The following ZBTB7C variants were observed in gnomAD, a reference collection of about 807,000 sequenced individuals.
ZBTB7C encodes the protein zinc finger and BTB domain-containing protein 7C.
ZBTB7C carries 8 observed loss-of-function variants against 25.7 expected under a neutral mutation model. The observed-to-expected ratio is 0.31, with a 90% CI of 0.18 to 0.56. ZBTB7C has a LOEUF of 0.56. ZBTB7C is among the 20% of genes least tolerant of loss of function. ZBTB7C has a pLI of 0.91. For synonymous variants in ZBTB7C, 394 were observed against 369.0 expected (o/e 1.07, Z -0.78); for missense variants, 824 against 855.2 (o/e 0.96, Z 0.46).
intron 3 of ZBTB7C, among the ~76,000 whole-genome samples, chr18:48,115,518 G>A (rs151063659): frequency 2.0e-5 from 3 of 152,144 alleles, no homozygotes; most frequent in Non-Finnish European, 2.9e-5. Context: ...GATTACAGGC[G>A]TGAGCCACCG....
chr18:48,186,039 T>C (rs1385736542), intron 2 of ZBTB7C, 44 bp from the exon 3 acceptor site: 1 of 152,326 alleles, frequency 6.6e-6, no homozygotes, highest in Non-Finnish European at 1.5e-5. Context: ...TAGCATCTGC[T>C]CTGGGTATCC....
At chr18:48,036,578 A>T (rs2035980794) in intron 4 of ZBTB7C, among the ~76,000 whole-genome samples, 1 of 151,982 alleles carries the variant, frequency 6.6e-6, no homozygotes, top group Admixed American at 6.6e-5. Flanking sequence ...TGAAGGAAAG[A>T]CTCGGGTTCC....
rs566887147 is a variant in ZBTB7C at position 48,065,352 on chromosome 18, C to CACAA, written c.-16-24233_-16-24230dup. ...TCTCTCTCTCACACACACACACACA[C>CACAA]ACAAACACACACGCCTGAGAAAGCC... On this transcript the variant is annotated intron_variant, in intron 3 of 4. Coordinates refer to ENST00000590800, the MANE Select transcript of ZBTB7C (RefSeq NM_001318841.2). Among the ~76,000 whole-genome samples, 989 of 152,246 alleles carry CACAA rather than the reference C, an allele frequency of 6.5e-3. 3 individuals carry two copies. Among genetic ancestry groups the CACAA allele is most frequent in the Admixed American group, 0.01 (160 of 15,292 alleles).
Position 48,179,059 on chromosome 18 carries a change from C to G in ZBTB7C, c.-17+6875G>C, listed in dbSNP as rs2041788900. Among the ~76,000 whole-genome samples the G allele has an allele frequency of 3.3e-5, 5 of 152,286 alleles. No homozygotes were observed. In the South Asian group the frequency reaches 1.0e-3, roughly 32 times the overall value. ...GAGGCTTAAAGATCAAACTGCCTTG[C>G]CGTTTCCTTGGATGCCCTCTGCTGC... On this transcript the variant is annotated intron_variant, in intron 3 of 4. Transcript: ENST00000590800.
intron 2 of ZBTB7C, among the ~76,000 whole-genome samples, chr18:48,271,707 TAAG>T (rs2044491608): frequency 1.3e-5 from 2 of 151,898 alleles, no homozygotes; most frequent in African/African-American, 4.8e-5. Context: ...ATTATCAGAT[TAAG>T]AAGAACAAAT....
At chr18:48,387,937 C>T (rs1232584645) in intron 1 of ZBTB7C, among the ~76,000 whole-genome samples, 1 of 152,174 alleles carries the variant, frequency 6.6e-6, no homozygotes, top group Non-Finnish European at 1.5e-5. Context: ...AGCGATTCTC[C>T]TGCCTCAGCC....
At chr18:48,367,186 T>TATATATATATAC in intron 1 of ZBTB7C, among the ~76,000 whole-genome samples, 1 of 22,470 alleles carries the variant, frequency 4.5e-5, no homozygotes, top group Non-Finnish European at 8.7e-5. Flanking sequence ...TATATATATA[T>TATATATATATAC]ATATATATAT....
At chr18:48,196,310 C>A (rs1229355627) in intron 2 of ZBTB7C, among the ~76,000 whole-genome samples, 1 of 152,172 alleles carries the variant, frequency 6.6e-6, no homozygotes, top group African/African-American at 2.4e-5. Flanking sequence ...CTCCGTGCAT[C>A]CCCACCCAAG....
rs1322699256 is a variant in ZBTB7C, at chr18:48,027,395, G to A, written c.*1865C>T. On this transcript the variant is annotated 3_prime_UTR_variant, in exon 5 of 5. Transcript: ENST00000590800. ...TTTTTTTCCTCTCTTTTAAAGTCTG[G>A]TTCAGCCCCAATCACTTGGCTGATG... The A allele has an allele frequency of 6.7e-6, 1 of 148,590 alleles. No individual in the cohort carries two copies. Among genetic ancestry groups the A allele is most frequent in the Non-Finnish European group, 1.5e-5 (1 of 67,492 alleles). The allele number at this position is 148,590 out of a possible 1,614,324, so 9.2% of individuals were successfully genotyped here. A position where few individuals can be genotyped will look rare whatever the true frequency, so the allele number is the denominator to read the frequency against.
chr18:48,084,928 C>T (rs753120984), intron 3 of ZBTB7C, among the ~76,000 whole-genome samples: 21 of 152,178 alleles, frequency 1.4e-4, no homozygotes, highest in Non-Finnish European at 2.6e-4. Context: ...ACCCCTGAAG[C>T]TTCCCCGCTG....
At chr18:48,387,752 A>G (rs2047782453) in intron 1 of ZBTB7C, among the ~76,000 whole-genome samples, 1 of 152,206 alleles carries the variant, frequency 6.6e-6, no homozygotes, top group Non-Finnish European at 1.5e-5. Flanking sequence ...CAGAATAAAC[A>G]GTACCATTTG....
intron 2 of ZBTB7C, among the ~76,000 whole-genome samples, chr18:48,192,291 T>C (rs2042216093): frequency 6.6e-6 from 1 of 152,168 alleles, no homozygotes; most frequent in African/African-American, 2.4e-5. Flanking sequence ...AGATCAGTGG[T>C]TGCCAGGGGT....
At chr18:48,071,370 A>G (rs1177401743) in intron 3 of ZBTB7C, among the ~76,000 whole-genome samples, 1 of 152,228 alleles carries the variant, frequency 6.6e-6, no homozygotes, top group Non-Finnish European at 1.5e-5. Context: ...AAGACATACA[A>G]ATGGCCCAGT....
chr18:48,063,420 G>A (rs2037200048), intron 3 of ZBTB7C, among the ~76,000 whole-genome samples: 1 of 152,218 alleles, frequency 6.6e-6, no homozygotes, highest in South Asian at 2.1e-4. Context: ...CTGTGAGGGG[G>A]CAGCCCTCTG....
intron 2 of ZBTB7C, among the ~76,000 whole-genome samples, chr18:48,191,374 C>T (rs1054795078): frequency 3.3e-5 from 5 of 152,308 alleles, no homozygotes; most frequent in African/African-American, 7.2e-5. Context: ...CCTCTCTCTG[C>T]GTCAGATTTT....
intron 3 of ZBTB7C, among the ~76,000 whole-genome samples, chr18:48,090,668 ACCAAAG>A (rs2038377573): frequency 6.6e-6 from 1 of 151,224 alleles, no homozygotes; most frequent in Admixed American, 6.5e-5. Context: ...CATGGTCCCT[ACCAAAG>A]CCTTCACTTC....
chr18:48,227,019 C>CAAAAAAAAAAAAAAAAAAAAAAA (rs1187830776), intron 2 of ZBTB7C, among the ~76,000 whole-genome samples: 4 of 56,104 alleles, frequency 7.1e-5, no homozygotes, highest in Admixed American at 2.1e-4. Flanking sequence ...GACTCCATCT[C>CAAAAAAAAAAAAAAAAAAAAAAA]AAAAAAAAAA....
intron 3 of ZBTB7C, among the ~76,000 whole-genome samples, chr18:48,048,486 C>A (rs2036558999): frequency 6.6e-6 from 1 of 152,224 alleles, no homozygotes; most frequent in South Asian, 2.1e-4. Flanking sequence ...GGGCTGACAT[C>A]TTCGCTTCAC....
At chr18:48,376,384 A>G (rs992923282) in intron 1 of ZBTB7C, among the ~76,000 whole-genome samples, 2 of 151,636 alleles carry the variant, frequency 1.3e-5, no homozygotes, top group African/African-American at 2.4e-5. Context: ...CCCTCTAAGA[A>G]GCAGATCGTT....
Sources: gnomAD v4.1 joint callset for allele counts (sites outside exome capture counted in the v4.1 genomes callset) on GRCh38, gnomAD v4.1.1 for gene constraint, MANE v1.5 for transcripts, NCBI Gene and HGNC (gene_info 2026-07-23, HGNC 2026-07-21) for gene names.